Variants in FRK observed in about 807,000 individuals in gnomAD.
The protein encoded by FRK is tyrosine-protein kinase FRK.
FRK carries 51 observed loss-of-function variants against 56.4 expected under a neutral mutation model. The ratio of observed to expected loss-of-function variants is 0.90; its 90% confidence interval spans 0.72 to 1.14. FRK has a LOEUF of 1.14. Ranked by LOEUF, FRK falls within the 50% of genes most tolerant of loss-of-function variation. The probability of loss-of-function intolerance (pLI) is 0.00; values close to 1 mark genes in which losing one functional copy is unlikely to be tolerated. For synonymous variants in FRK, 245 were observed against 217.9 expected, an observed-to-expected ratio of 1.12 and a Z score of -1.10; for missense variants, 570 against 601.4, an observed-to-expected ratio of 0.95 and a Z score of 0.55.
the FRK span, among the ~76,000 whole-genome samples, chr6:116,074,219 G>A: frequency 6.6e-6 from 1 of 152,186 alleles, no homozygotes; most frequent in Non-Finnish European, 1.5e-5. Context: ...GAGACTGGGG[G>A]TGACTCATCT....
chr6:116,016,170 C>G (rs1358195612), intron 1 of FRK, among the ~76,000 whole-genome samples: 5 of 152,152 alleles, frequency 3.3e-5, no homozygotes, highest in African/African-American at 1.2e-4. Flanking sequence ...AAAATGGTCT[C>G]ATGGGCTGGG....
chr6:116,044,608 C>A (rs1218889539), intron 1 of FRK, among the ~76,000 whole-genome samples: 1 of 152,152 alleles, frequency 6.6e-6, no homozygotes, highest in Non-Finnish European at 1.5e-5. Context: ...CGATTTATGA[C>A]AAACCCACAG....
At chr6:115,951,719 A>T (rs1225674331) in intron 5 of FRK, among the ~76,000 whole-genome samples, 1 of 152,186 alleles carries the variant, frequency 6.6e-6, no homozygotes, top group Non-Finnish European at 1.5e-5. Flanking sequence ...GGATAGAAAA[A>T]GGTTTGCACT....
chr6:115,959,638 C>A (rs1460191741), intron 4 of FRK, among the ~76,000 whole-genome samples: 3 of 152,180 alleles, frequency 2.0e-5, no homozygotes, highest in Non-Finnish European at 4.4e-5. Context: ...AGTAAATTTG[C>A]ACTTCAGTGG....
intron 2 of FRK, among the ~76,000 whole-genome samples, chr6:115,994,164 G>T (rs1023453355): frequency 6.6e-6 from 1 of 151,932 alleles, no homozygotes; most frequent in Admixed American, 6.6e-5. Context: ...AGTATGCTTT[G>T]TCAAGTCAAG....
chr6:115,991,930 T>G (rs1005298422), intron 2 of FRK, among the ~76,000 whole-genome samples: 1 of 151,652 alleles, frequency 6.6e-6, no homozygotes, highest in Non-Finnish European at 1.5e-5. Flanking sequence ...GTAGATTTTT[T>G]TATTACTGAT....
rs1999929 is a variant in FRK, at chr6:116,060,831, T to C, written c.-520A>G. On this transcript the variant is annotated 5_prime_UTR_variant, in exon 1 of 8. Transcript: ENST00000606080. ...ATCTGGACGGCTCTCTCCTTTTTGC[T>C]AATGAATAACCAACCAGCAGAGGCT... is the stretch of plus-strand genomic sequence containing the variant. 55,997 of 153,050 alleles carry C rather than the reference T, an allele frequency of 0.37. 10,723 individuals carry two copies. The highest frequency in any genetic ancestry group is 0.49 in the Middle Eastern group (144 of 294). The allele number at this position is 153,050 out of a possible 1,614,324, so 9.5% of individuals were successfully genotyped here. A position where few individuals can be genotyped will look rare whatever the true frequency, so the allele number is the denominator to read the frequency against.
the FRK span, among the ~76,000 whole-genome samples, chr6:116,066,153 G>A: frequency 6.6e-6 from 1 of 152,176 alleles, no homozygotes; most frequent in Non-Finnish European, 1.5e-5. Flanking sequence ...TCAGTGGGCT[G>A]GGGAAGGCAG....
intron 2 of FRK, among the ~76,000 whole-genome samples, chr6:115,972,229 G>A (rs1006301906): frequency 6.6e-6 from 1 of 152,164 alleles, no homozygotes; most frequent in Non-Finnish European, 1.5e-5. Flanking sequence ...CAGTGCCATG[G>A]CACTTTTGCT....
chr6:115,997,399 AAGT>A (rs1291079955), intron 2 of FRK, among the ~76,000 whole-genome samples: 3 of 152,106 alleles, frequency 2.0e-5, no homozygotes, highest in Non-Finnish European at 4.4e-5. Flanking sequence ...TTATCATAGA[AAGT>A]ACTCTGCTCA....
chr6:116,079,823 C>T, the FRK span, among the ~76,000 whole-genome samples: 4 of 152,152 alleles, frequency 2.6e-5, no homozygotes, highest in Non-Finnish European at 2.9e-5. Context: ...ACAATTCTGC[C>T]TCAGCCTTCC....
At chr6:116,049,380 T>C (rs1777105553) in intron 1 of FRK, among the ~76,000 whole-genome samples, 1 of 152,200 alleles carries the variant, frequency 6.6e-6, no homozygotes, top group South Asian at 2.1e-4. Flanking sequence ...TTGGTAAGCA[T>C]TGAGTAAAAC....
intron 1 of FRK, among the ~76,000 whole-genome samples, chr6:116,013,827 T>C (rs1161938259): frequency 1.3e-5 from 2 of 152,138 alleles, no homozygotes; most frequent in East Asian, 1.9e-4. Flanking sequence ...GTGTAAACCA[T>C]TCAAGAAGGG....
At chr6:116,064,607 G>C (rs1777723840), upstream of FRK, among the ~76,000 whole-genome samples, 1 of 152,100 alleles carries the variant, frequency 6.6e-6, no homozygotes, top group Non-Finnish European at 1.5e-5. Flanking sequence ...TCTGTCTATT[G>C]CTTCTCAGTC....
chr6:115,988,658 T>G (rs551434337), intron 2 of FRK, among the ~76,000 whole-genome samples: 1 of 152,036 alleles, frequency 6.6e-6, no homozygotes, highest in South Asian at 2.1e-4. Context: ...AGATGTAAAT[T>G]AAGAGTATGG....
intron 3 of FRK, among the ~76,000 whole-genome samples, chr6:115,968,294 C>A (rs1562262631): frequency 1.3e-5 from 2 of 152,158 alleles, no homozygotes; most frequent in African/African-American, 4.8e-5. Flanking sequence ...TTCTAGTTTA[C>A]CACCTGCCCT....
chr6:116,002,691 T>C (rs1479974272), intron 2 of FRK: 6 of 455,556 alleles, frequency 1.3e-5, no homozygotes, highest in African/African-American at 1.0e-4. Context: ...TAACCTCTTA[T>C]CCATGGATTA....
At position 115,938,174 on chromosome 6, in the gene FRK, C is replaced by T. The variant is rs1460632822; in HGVS notation, c.*4240G>A. Reference sequence around the variant, plus strand: ...AATTAGAACTCAGGATTAAAACTGACAGAAAACCTAACAACTACTTGGAAA... The same window carrying T: ...AATTAGAACTCAGGATTAAAACTGATAGAAAACCTAACAACTACTTGGAAA... On this transcript the variant is annotated 3_prime_UTR_variant, in exon 8 of 8. Coordinates refer to ENST00000606080, the MANE Select transcript of FRK (RefSeq NM_002031.3). 1 of 152,170 alleles carries T rather than the reference C, an allele frequency of 6.6e-6. No homozygotes were observed. The highest frequency in any genetic ancestry group is 1.5e-5 in the Non-Finnish European group (1 of 68,030). The allele number at this position is 152,170 out of a possible 1,614,324, so 9.4% of individuals were successfully genotyped here. A position where few individuals can be genotyped will look rare whatever the true frequency, so the allele number is the denominator to read the frequency against.
At chr6:115,972,458 C>G (rs1773842032) in intron 2 of FRK, among the ~76,000 whole-genome samples, 1 of 152,186 alleles carries the variant, frequency 6.6e-6, no homozygotes. Context: ...AGCACCCTCT[C>G]ACTAGGTTTG....
Sources: allele counts gnomAD v4.1 joint callset (sites outside exome capture counted in the v4.1 genomes callset), GRCh38; gene constraint gnomAD v4.1.1; transcripts MANE v1.5; gene names NCBI Gene and HGNC (gene_info 2026-07-23, HGNC 2026-07-21).